Variants in BANK1 observed in about 807,000 individuals in gnomAD.
BANK1 encodes the protein B cell scaffold protein with ankyrin repeats 1.
Under a neutral mutation model 94.5 loss-of-function variants are expected in BANK1, and 95 were observed. The observed-to-expected ratio is 1.00, with a 90% CI of 0.85 to 1.19. BANK1 has a LOEUF of 1.19. Among genes scored for constraint, BANK1 ranks in the 50% most tolerant of loss-of-function variants. The pLI, the probability that BANK1 is intolerant of heterozygous loss-of-function variation, is 0.00. For synonymous variants in BANK1, 334 were observed against 308.4 expected, an observed-to-expected ratio of 1.08 and a Z score of -0.87; for missense variants, 987 against 932.2, an observed-to-expected ratio of 1.06 and a Z score of -0.77.
rs541955636 is a variant in BANK1, at chr4:101,852,470, C to CTATATATATA, written c.470-2540_470-2531dup. ...GAAAGAACCACTCAATATTTTTCGG[C>CTATATATATA]TATATATATATATATATATATATAT... On this transcript the variant is annotated intron_variant, in intron 2 of 16. Transcript: ENST00000322953. Among the ~76,000 whole-genome samples, 991 of 103,620 alleles carry CTATATATATA rather than the reference C, an allele frequency of 9.6e-3. 5 individuals carry two copies. Among genetic ancestry groups the CTATATATATA allele is most frequent in the Admixed American group, 0.015 (137 of 9,286 alleles). 68.0% of individuals were successfully genotyped at this position (103,620 alleles called of 152,430 possible).
intron 10 of BANK1, among the ~76,000 whole-genome samples, chr4:102,034,666 A>C (rs1727440065): frequency 6.6e-6 from 1 of 152,200 alleles, no homozygotes. Context: ...TTCTTATAAT[A>C]ATTATCATTA....
intron 8 of BANK1, among the ~76,000 whole-genome samples, chr4:102,022,848 A>C (rs936311654): frequency 6.6e-6 from 1 of 152,094 alleles, no homozygotes; most frequent in Non-Finnish European, 1.5e-5. Context: ...TATCTTACTC[A>C]TTCACAAACC....
chr4:102,008,388 C>G (rs184323205), intron 7 of BANK1, among the ~76,000 whole-genome samples: 38 of 152,306 alleles, frequency 2.5e-4, no homozygotes, highest in Admixed American at 1.4e-3. Context: ...ATCAAGGTCT[C>G]ACATCATGAA....
At chr4:102,047,826 T>C (rs551911594) in intron 11 of BANK1, among the ~76,000 whole-genome samples, 2 of 151,592 alleles carry the variant, frequency 1.3e-5, no homozygotes, top group Admixed American at 1.3e-4. Context: ...CAGAGAGCAA[T>C]GCAAGGAAGG....
chr4:101,936,129 A>G (rs1427031965), intron 7 of BANK1, among the ~76,000 whole-genome samples: 2 of 151,248 alleles, frequency 1.3e-5, no homozygotes, highest in Non-Finnish European at 3.0e-5. Flanking sequence ...GAATGGGAGA[A>G]AATATTTGCA....
At chr4:101,870,388 A>G in intron 4 of BANK1, 117 bp from the exon 5 acceptor site, 2 of 878,516 alleles carry the variant, frequency 2.3e-6, no homozygotes, top group Non-Finnish European at 3.2e-6. Flanking sequence ...TTTAAGTGCT[A>G]GAGATGAGTA....
chr4:101,862,577 G>A lies in BANK1; in HGVS notation c.676G>A (p.Val226Ile), dbSNP rs1008286164. Residue 226 changes from valine (V) to isoleucine (I), a missense_variant, in exon 4 of 17, where the codon GTA (valine) becomes ATA (isoleucine). By Grantham distance (29) the Val-to-Ile change is conservative (BLOSUM62 3). Transcript: ENST00000322953. ...ILRDEVIGDT[V>I]EVEFTSSNKR... ...GAGAGATGAAGTAATTGGTGATACT[G>A]TAGAGGTTGAATTTACATCAAGTAA... 7.4e-6 allele frequency: 12 copies of A among 1,610,870 alleles called. No homozygotes were observed. The highest frequency in any genetic ancestry group is 5.3e-5 in the African/African-American group (4 of 74,800).
chr4:101,853,413 T>C (rs925292003), intron 2 of BANK1, among the ~76,000 whole-genome samples: 1 of 152,192 alleles, frequency 6.6e-6, no homozygotes, highest in Non-Finnish European at 1.5e-5. Context: ...CTTTGACTCT[T>C]TCTTTTTACC....
rs562149606 is a variant in BANK1 at position 101,858,947 on chromosome 4, A to G, written c.625-3579A>G. On this transcript the variant is annotated intron_variant, in intron 3 of 16. Coordinates refer to ENST00000322953, the MANE Select transcript of BANK1 (RefSeq NM_017935.5). ...ACCATGGATTATGTAATAAACAAAT[A>G]TAGAGATAAATTGAGATGACATGAA... is the stretch of plus-strand genomic sequence containing the variant. Among the ~76,000 whole-genome samples, 177 of 152,356 alleles carry G rather than the reference A, an allele frequency of 1.2e-3. 1 individual carries two copies. Among genetic ancestry groups the G allele is most frequent in the African/African-American group, 4.0e-3 (168 of 41,580 alleles).
At chr4:101,976,671 C>CAT in intron 7 of BANK1, among the ~76,000 whole-genome samples, 1 of 152,162 alleles carries the variant, frequency 6.6e-6, no homozygotes, top group Non-Finnish European at 1.5e-5. Flanking sequence ...ACTAGAATGC[C>CAT]ATATGCTTCC....
chr4:101,978,928 C>A (rs542260636), intron 7 of BANK1, among the ~76,000 whole-genome samples: 2 of 151,982 alleles, frequency 1.3e-5, no homozygotes, highest in African/African-American at 4.8e-5. Context: ...GTTTAGCTTT[C>A]CTACTTGTAT....
chr4:102,027,652 G>A (rs1727147446), intron 9 of BANK1, among the ~76,000 whole-genome samples: 1 of 140,430 alleles, frequency 7.1e-6, no homozygotes, highest in South Asian at 2.3e-4. Context: ...GCTTCCATCT[G>A]CCATCAAGTT....
chr4:101,836,096 T>C (rs1007688507), intron 2 of BANK1, among the ~76,000 whole-genome samples: 11 of 152,304 alleles, frequency 7.2e-5, no homozygotes, highest in Non-Finnish European at 1.5e-4. Flanking sequence ...TGCATACTTA[T>C]GACTCTCGTT....
At chr4:101,848,847 C>A (rs545736892) in intron 2 of BANK1, among the ~76,000 whole-genome samples, 11 of 152,308 alleles carry the variant, frequency 7.2e-5, no homozygotes, top group Admixed American at 7.2e-4. Flanking sequence ...TCCCTTCATT[C>A]TCTTCCTAGT....
intron 1 of BANK1, among the ~76,000 whole-genome samples, chr4:101,826,216 G>A (rs1442570021): frequency 2.0e-5 from 3 of 151,974 alleles, no homozygotes; most frequent in Non-Finnish European, 4.4e-5. Flanking sequence ...TAGGCTGCTT[G>A]ATATTGACTA....
At chr4:101,799,657 G>A (rs907863050) in intron 1 of BANK1, among the ~76,000 whole-genome samples, 17 of 152,110 alleles carry the variant, frequency 1.1e-4, no homozygotes, top group Non-Finnish European at 2.4e-4. Flanking sequence ...GGCGGATCAC[G>A]AGGTCAGGAG....
intron 6 of BANK1, among the ~76,000 whole-genome samples, chr4:101,917,175 C>G (rs1167155268): frequency 6.6e-6 from 1 of 152,064 alleles, no homozygotes; most frequent in East Asian, 1.9e-4. Context: ...TCCTTTGATT[C>G]TGTGGCTATA....
At chr4:102,071,435 A>T in intron 14 of BANK1, 131 bp downstream of exon 14, 13 of 884,644 alleles carry the variant, frequency 1.5e-5, no homozygotes, top group Non-Finnish European at 2.3e-5. Context: ...TTATATTTAT[A>T]TGCAAAACAA....
At chr4:101,997,960 T>C (rs961456211) in intron 7 of BANK1, among the ~76,000 whole-genome samples, 5 of 152,184 alleles carry the variant, frequency 3.3e-5, no homozygotes, top group Non-Finnish European at 5.9e-5. Context: ...TTCTGCTAGC[T>C]TTTGAATTTG....
Sources: gnomAD v4.1 joint callset for allele counts (sites outside exome capture counted in the v4.1 genomes callset) on GRCh38, gnomAD v4.1.1 for gene constraint, MANE v1.5 for transcripts, NCBI Gene and HGNC (gene_info 2026-07-23, HGNC 2026-07-21) for gene names.